Variants in ADAMTSL1 observed in about 807,000 individuals in gnomAD.
ADAMTSL1 encodes ADAMTS like 1, also known as ADAMTS-like protein 1.
ADAMTSL1 carries 126 observed loss-of-function variants against 201.8 expected under a neutral mutation model. The observed-to-expected ratio is 0.62, with a 90% CI of 0.54 to 0.72. The LOEUF (loss-of-function observed/expected upper bound fraction) is 0.72. Ranked by LOEUF, ADAMTSL1 falls within the 30% of genes least tolerant of loss-of-function variation. The pLI is 0.00. For missense variants in ADAMTSL1, 2,679 were observed against 2,277.8 expected (o/e 1.18, Z -3.59); for synonymous variants, 1,121 against 903.4 (o/e 1.24, Z -4.32).
intron 20 of ADAMTSL1, among the ~76,000 whole-genome samples, chr9:18,797,887 A>G (rs541383645): frequency 1.9e-3 from 282 of 152,294 alleles, no homozygotes; most frequent in Non-Finnish European, 2.8e-3. Context: ...CCTGAAAACA[A>G]TTCTAAAATG....
intron 2 of ADAMTSL1, among the ~76,000 whole-genome samples, chr9:18,300,495 A>G (rs1340942256): frequency 6.6e-6 from 1 of 152,142 alleles, no homozygotes; most frequent in Non-Finnish European, 1.5e-5. Context: ...TAGCATTAGG[A>G]GAAATACCTA....
chr9:17,983,606 C>G (rs1045879682), intron 1 of ADAMTSL1, among the ~76,000 whole-genome samples: 2 of 152,004 alleles, frequency 1.3e-5, no homozygotes, highest in South Asian at 2.1e-4. Flanking sequence ...AATTGACTAG[C>G]CTTGTGATTT....
At chr9:18,886,882 T>C (rs550235650) in intron 23 of ADAMTSL1, among the ~76,000 whole-genome samples, 1 of 152,364 alleles carries the variant, frequency 6.6e-6, no homozygotes, top group African/African-American at 2.4e-5. Context: ...ATCTGCAGTT[T>C]TATGAGTGTA....
intron 2 of ADAMTSL1, among the ~76,000 whole-genome samples, chr9:18,219,288 T>G (rs1332169160): frequency 6.6e-6 from 1 of 151,776 alleles, no homozygotes; most frequent in Non-Finnish European, 1.5e-5. Context: ...ATAACTGCTA[T>G]CTTCATGATA....
chr9:18,349,289 A>G (rs1010225851), intron 2 of ADAMTSL1, among the ~76,000 whole-genome samples: 5 of 152,200 alleles, frequency 3.3e-5, no homozygotes, highest in African/African-American at 1.2e-4. Context: ...AGAACAGTAA[A>G]TTCAGATAGC....
chr9:18,374,430 C>T (rs866326160), intron 2 of ADAMTSL1, among the ~76,000 whole-genome samples: 1 of 151,776 alleles, frequency 6.6e-6, no homozygotes, highest in Non-Finnish European at 1.5e-5. Context: ...ATTTCTCAGG[C>T]TTGAGCGATC....
At chr9:18,546,994 T>C (rs1820507572) in intron 3 of ADAMTSL1, among the ~76,000 whole-genome samples, 1 of 152,184 alleles carries the variant, frequency 6.6e-6, no homozygotes, top group Non-Finnish European at 1.5e-5. Context: ...AGGTAAGAAA[T>C]TCTCCAATAA....
chr9:18,621,556 CCACACACACA>C (rs57351480), intron 4 of ADAMTSL1, among the ~76,000 whole-genome samples: 38 of 143,728 alleles, frequency 2.6e-4, no homozygotes, highest in African/African-American at 6.3e-4. Flanking sequence ...CCGTCCTCTT[CCACACACACA>C]CACACACACA....
At chr9:17,924,308 T>C (rs1826431737) in intron 1 of ADAMTSL1, among the ~76,000 whole-genome samples, 1 of 152,158 alleles carries the variant, frequency 6.6e-6, no homozygotes. Context: ...TCAGCTCCCG[T>C]TATTGGTCTA....
At chr9:18,057,576 A>G (rs1308983266) in intron 1 of ADAMTSL1, among the ~76,000 whole-genome samples, 3 of 152,158 alleles carry the variant, frequency 2.0e-5, no homozygotes, top group Admixed American at 1.3e-4. Flanking sequence ...CAAATTTAGT[A>G]CTTGGTTAGA....
intron 20 of ADAMTSL1, among the ~76,000 whole-genome samples, chr9:18,804,955 T>C (rs1038723921): frequency 2.0e-5 from 3 of 152,238 alleles, no homozygotes; most frequent in Non-Finnish European, 4.4e-5. Context: ...ACTTCATTGC[T>C]TTAAACTAAA....
At chr9:18,034,501 A>G (rs2131616153) in intron 1 of ADAMTSL1, among the ~76,000 whole-genome samples, 1 of 152,308 alleles carries the variant, frequency 6.6e-6, no homozygotes, top group South Asian at 2.1e-4. Flanking sequence ...ATATAGAAAC[A>G]TAAACTCATC....
chr9:18,022,908 C>T (rs1039373134), intron 1 of ADAMTSL1, among the ~76,000 whole-genome samples: 2 of 152,064 alleles, frequency 1.3e-5, no homozygotes. Context: ...AAGAAGTGAT[C>T]AAGATCACCA....
chr9:18,252,127 C>T (rs924943695), intron 2 of ADAMTSL1, among the ~76,000 whole-genome samples: 5 of 151,614 alleles, frequency 3.3e-5, no homozygotes, highest in African/African-American at 7.3e-5. Flanking sequence ...GAAAAATGAG[C>T]GGTTAGGAGA....
intron 1 of ADAMTSL1, among the ~76,000 whole-genome samples, chr9:18,060,126 C>A (rs542335163): frequency 1.1e-4 from 17 of 152,258 alleles, no homozygotes; most frequent in Non-Finnish European, 1.6e-4. Context: ...TGCTTGCTTA[C>A]ACATACACAC....
intron 13 of ADAMTSL1, among the ~76,000 whole-genome samples, chr9:18,698,127 T>C (rs945423387): frequency 6.6e-6 from 1 of 152,212 alleles, no homozygotes; most frequent in Non-Finnish European, 1.5e-5. Context: ...ATAAATACAT[T>C]AATTAAATTA....
At chr9:18,149,668 G>A (rs1563768942) in intron 1 of ADAMTSL1, among the ~76,000 whole-genome samples, 2 of 152,054 alleles carry the variant, frequency 1.3e-5, no homozygotes, top group Non-Finnish European at 2.9e-5. Flanking sequence ...GAAGTGAAGA[G>A]TTGACACATG....
intron 2 of ADAMTSL1, among the ~76,000 whole-genome samples, chr9:18,318,699 A>G (rs2132840796): frequency 6.6e-6 from 1 of 152,030 alleles, no homozygotes; most frequent in Middle Eastern, 3.4e-3. Context: ...TGTCTCCTCT[A>G]GAGGCCATGT....
chr9:17,915,630 G>T (rs536450875), intron 1 of ADAMTSL1, among the ~76,000 whole-genome samples: 9 of 152,180 alleles, frequency 5.9e-5, no homozygotes, highest in Non-Finnish European at 1.0e-4. Flanking sequence ...AACTTTTTAA[G>T]AAACTCAGTT....
Sources: allele counts gnomAD v4.1 joint callset (sites outside exome capture counted in the v4.1 genomes callset), GRCh38; gene constraint gnomAD v4.1.1; transcripts MANE v1.5; gene names NCBI Gene and HGNC (gene_info 2026-07-23, HGNC 2026-07-21).